The following PCDHGB6 variants were observed in gnomAD, a reference collection of about 807,000 sequenced individuals.
PCDHGB6 encodes the protein protocadherin gamma-B6.
A neutral mutation model predicts 59.1 loss-of-function variants in PCDHGB6; 51 were observed. That is an observed-to-expected ratio of 0.86 (90% CI 0.69 to 1.09). The LOEUF is 1.09. Among genes scored for constraint, PCDHGB6 ranks in the 50% least tolerant of loss-of-function variants. The pLI is 0.00. For synonymous variants in PCDHGB6, 466 were observed against 495.1 expected (o/e 0.94, Z 0.78); for missense variants, 1,148 against 1,205.1 (o/e 0.95, Z 0.70).
intron 1 of PCDHGB6, among the ~76,000 whole-genome samples, chr5:141,474,062 C>G (rs745636246): frequency 6.6e-6 from 1 of 152,104 alleles, no homozygotes; most frequent in Non-Finnish European, 1.5e-5. Flanking sequence ...AGAGCGAGAT[C>G]CTGCCTCAGA....
intron 1 of PCDHGB6, among the ~76,000 whole-genome samples, chr5:141,448,931 C>G (rs966398044): frequency 1.3e-5 from 2 of 152,040 alleles, no homozygotes; most frequent in African/African-American, 4.8e-5. Context: ...GGCGACAGAG[C>G]AAGACTGCAA....
chr5:141,431,726 G>C lies in PCDHGB6; in HGVS notation c.2418+21106G>C. On this transcript the variant is annotated intron_variant, in intron 1 of 3. Coordinates refer to ENST00000520790, the MANE Select transcript of PCDHGB6 (RefSeq NM_018926.3). The surrounding 1 kb of genome is among the most constrained non-coding windows in gnomAD (Gnocchi z 4.8). ...CTACCAGATGGAAGTGCAAGCAATG[G>C]ATAATGCAGGATATTCTGCGCGAGC... The C allele has an allele frequency of 6.2e-7, 1 of 1,614,204 alleles. No homozygotes were observed. Among genetic ancestry groups the C allele is most frequent in the Non-Finnish European group, 8.5e-7 (1 of 1,180,032 alleles).
chr5:141,432,266 T>G lies in PCDHGB6; in HGVS notation c.2418+21646T>G. ...CACCATCCAAGGGGCAAGCCTATCG[T>G]CCTACGTGTCCATCAACTCCGACAC... On this transcript the variant is annotated intron_variant, in intron 1 of 3. Transcript: ENST00000520790. This position sits in a 1 kb window ranked among gnomAD's most constrained non-coding sequence, Gnocchi z 6.0. The G allele has an allele frequency of 6.2e-7, 1 of 1,614,214 alleles. No individual in the cohort carries two copies. Among genetic ancestry groups the G allele is most frequent in the East Asian group, 2.2e-5 (1 of 44,880 alleles).
At chr5:141,443,872 A>C (rs1446612063) in intron 1 of PCDHGB6, among the ~76,000 whole-genome samples, 4 of 152,212 alleles carry the variant, frequency 2.6e-5, no homozygotes, top group African/African-American at 9.7e-5. Flanking sequence ...AAAATTACTG[A>C]TAAGTCAAGA....
chr5:141,409,991 G>A lies in PCDHGB6; in HGVS notation c.1789G>A (p.Asp597Asn). Residue 597 changes from aspartate (D) to asparagine (N), a missense_variant, in exon 1 of 4, where the codon GAC becomes AAC. Physicochemically the swap from Asp to Asn is conservative, Grantham distance 23 (BLOSUM62 1). Transcript: ENST00000520790. The stretch of plus-strand genomic sequence containing the variant: ...GACTAAGGTGGTAGCGGTGGACGCC[G>A]ACTCGGGACACAACGCCTGGCTGTC... Reference protein sequence around the residue: ...LVTKVVAVDADSGHNAWLSYH... With the variant: ...LVTKVVAVDANSGHNAWLSYH... 6.2e-6 allele frequency: 10 copies of A among 1,613,320 alleles called. No individual in the cohort carries two copies. The highest frequency in any genetic ancestry group is 7.6e-6 in the Non-Finnish European group (9 of 1,179,832).
At position 141,431,245 on chromosome 5, in the gene PCDHGB6, C is replaced by T; in HGVS notation, c.2418+20625C>T. The T allele has an allele frequency of 1.2e-6, 2 of 1,614,134 alleles. No individual in the cohort carries two copies. The highest frequency in any genetic ancestry group is 1.7e-6 in the Non-Finnish European group (2 of 1,180,038). ...TACCCCACGCCTGGGATCCGGATATCGGGAAGAACTCTCTGCAGAGCTACG... is the reference window on the plus strand; with the variant it reads ...TACCCCACGCCTGGGATCCGGATATTGGGAAGAACTCTCTGCAGAGCTACG... On this transcript the variant is annotated intron_variant, in intron 1 of 3. Transcript: ENST00000520790. This position sits in a 1 kb window ranked among gnomAD's most constrained non-coding sequence, Gnocchi z 4.8.
chr5:141,460,961 ATG>A (rs35821115), intron 1 of PCDHGB6, among the ~76,000 whole-genome samples: 22,194 of 144,260 alleles, frequency 0.15, 1,877 homozygotes, highest in South Asian at 0.27. Context: ...GTATATATAT[ATG>A]TGTGTGTGTG....
In PCDHGB6 at chr5:141,432,927, G is replaced by T. The variant is rs774982939; in HGVS notation, c.2418+22307G>T. ...AGGCTGCGGCGCTGGCACAAGTCAC[G>T]CCTGCTGCAGGCTTCAGGAGGCGGC... is the stretch of plus-strand genomic sequence containing the variant. On this transcript the variant is annotated intron_variant, in intron 1 of 3. Coordinates refer to ENST00000520790, the MANE Select transcript of PCDHGB6 (RefSeq NM_018926.3). This position sits in a 1 kb window ranked among gnomAD's most constrained non-coding sequence, Gnocchi z 6.0. 1.9e-6 allele frequency: 3 copies of T among 1,614,162 alleles called. No homozygotes were observed. In the Admixed American group the frequency reaches 5.0e-5, roughly 27 times the overall value.
intron 1 of PCDHGB6, among the ~76,000 whole-genome samples, chr5:141,470,598 G>A (rs2099234276): frequency 6.6e-6 from 1 of 152,184 alleles, no homozygotes; most frequent in Admixed American, 6.5e-5. Flanking sequence ...GGCGACCTGT[G>A]CGGGGACACA....
intron 1 of PCDHGB6, 157 bp from the exon 2 acceptor site, chr5:141,494,645 GTGTAT>G: frequency 1.1e-6 from 1 of 935,948 alleles, no homozygotes; most frequent in Non-Finnish European, 1.3e-6. Context: ...GAGACCTGAG[GTGTAT>G]TTTGTCTTTG....
chr5:141,478,736 T>C (rs2099474016), intron 1 of PCDHGB6: 1 of 1,534,678 alleles, frequency 6.5e-7, no homozygotes, highest in African/African-American at 1.4e-5. Flanking sequence ...GTGTGGTTTG[T>C]GGTCCCATTT....
chr5:141,450,107 A>G (rs1228532939), intron 1 of PCDHGB6, among the ~76,000 whole-genome samples: 3 of 150,976 alleles, frequency 2.0e-5, no homozygotes, highest in Non-Finnish European at 4.4e-5. Flanking sequence ...CCCAGGTTCA[A>G]ATGATTCTCC....
chr5:141,461,647 C>T (rs1242234255), intron 1 of PCDHGB6, among the ~76,000 whole-genome samples: 3 of 152,006 alleles, frequency 2.0e-5, no homozygotes, highest in Non-Finnish European at 4.4e-5. Context: ...TTCTTTGACC[C>T]ATGGATTATT....
rs2099713635 is a variant in PCDHGB6, at chr5:141,491,418, T to C, written c.2419-3389T>C. The C allele has an allele frequency of 6.2e-7, 1 of 1,613,796 alleles. No individual in the cohort carries two copies. Among genetic ancestry groups the C allele is most frequent in the Non-Finnish European group, 8.5e-7 (1 of 1,179,944 alleles). On this transcript the variant is annotated intron_variant, in intron 1 of 3. Transcript: ENST00000520790. The surrounding 1 kb of genome is among the most constrained non-coding windows in gnomAD (Gnocchi z 6.9). The stretch of plus-strand genomic sequence containing the variant: ...AGGGAAACGCAGACGGGGACGGGGG[T>C]GGAGGGCAGTGCTGCAGGCGCCAGG...
intron 1 of PCDHGB6, chr5:141,418,622 G>C: frequency 6.2e-7 from 1 of 1,614,026 alleles, no homozygotes; most frequent in Non-Finnish European, 8.5e-7. Context: ...TCGGGAAGAC[G>C]TGCCTCCAGG....
At chr5:141,414,957 G>A in intron 1 of PCDHGB6, 7 of 1,614,018 alleles carry the variant, frequency 4.3e-6, no homozygotes, top group Non-Finnish European at 3.4e-6. Flanking sequence ...TGGTGACCAA[G>A]GTGGTGGCGG....
chr5:141,484,697 T>C (rs746981788), intron 1 of PCDHGB6, among the ~76,000 whole-genome samples: 11 of 151,988 alleles, frequency 7.2e-5, no homozygotes, highest in Non-Finnish European at 1.3e-4. Context: ...AGGCTGTGGC[T>C]GTTTTCCCCG....
Position 141,423,519 on chromosome 5 carries a change from G to A in PCDHGB6, c.2418+12899G>A, listed in dbSNP as rs758742300. On this transcript the variant is annotated intron_variant, in intron 1 of 3. Coordinates refer to ENST00000520790, the MANE Select transcript of PCDHGB6 (RefSeq NM_018926.3). ...ACGAGGTCTCTCTCATTGCGGACTC[G>A]CAGAAGAGTCACCTGATTTTCCCCC... 8.1e-6 allele frequency: 13 copies of A among 1,613,752 alleles called. 1 individual carries two copies. In the South Asian group the frequency reaches 1.1e-4, roughly 14 times the overall value.
chr5:141,485,714 G>A lies in PCDHGB6; in HGVS notation c.2419-9093G>A. 6.2e-7 allele frequency: 1 copy of A among 1,614,182 alleles called. No individual in the cohort carries two copies. The highest frequency in any genetic ancestry group is 8.5e-7 in the Non-Finnish European group (1 of 1,180,042). On this transcript the variant is annotated intron_variant, in intron 1 of 3. Transcript: ENST00000520790. This position sits in a 1 kb window ranked among gnomAD's most constrained non-coding sequence, Gnocchi z 5.7. ...GAGCTCCAATGAACACTTTGCACTG[G>A]ATGTGAAGAAGCGCAGCGACGGCAG...
Sources: gnomAD v4.1 joint callset for allele counts (sites outside exome capture counted in the v4.1 genomes callset) on GRCh38, gnomAD v4.1.1 for gene constraint, Gnocchi (gnomAD v3.1) non-coding constraint, MANE v1.5 for transcripts, NCBI Gene and HGNC (gene_info 2026-07-23, HGNC 2026-07-21) for gene names.